Variants in ARID1B observed in about 807,000 individuals in gnomAD.
ARID1B encodes AT-rich interaction domain 1B, also known as AT-rich interactive domain-containing protein 1B.
A neutral mutation model predicts 212.3 loss-of-function variants in ARID1B; 30 were observed. The observed-to-expected ratio is 0.14, with a 90% CI of 0.11 to 0.19. ARID1B has a LOEUF of 0.19. ARID1B is among the 10% of genes least tolerant of loss of function. The probability of loss-of-function intolerance (pLI) is 1.00; values close to 1 mark genes in which losing one functional copy is unlikely to be tolerated. For missense variants in ARID1B, 2,891 were observed against 3,204.0 expected, an observed-to-expected ratio of 0.90 and a Z score of 2.36; for synonymous variants, 1,402 against 1,301.7, an observed-to-expected ratio of 1.08 and a Z score of -1.66.
chr6:157,169,163 T>G (rs950272411), intron 9 of ARID1B: 3 of 152,218 alleles, frequency 2.0e-5, no homozygotes, highest in African/African-American at 7.2e-5. Context: ...TCCAGTCTCC[T>G]TGGTTTGGGC....
intron 4 of ARID1B, chr6:157,036,849 C>T (rs1278101474): frequency 6.0e-6 from 3 of 501,764 alleles, no homozygotes; most frequent in African/African-American, 3.9e-5. Flanking sequence ...AAGTCTTGGC[C>T]TCGGAGGATG....
chr6:156,966,550 C>T lies in ARID1B; in HGVS notation c.2247+30974C>T, dbSNP rs111373134. Among the ~76,000 whole-genome samples the T allele has an allele frequency of 3.4e-3, 520 of 151,486 alleles. 1 individual carries two copies. The highest frequency in any genetic ancestry group is 0.012 in the African/African-American group (485 of 41,262). ...GTGGTATTACAGGCACCTGCTACCA[C>T]GTCCGGCTAATTTTCTGTATTTTTA... On this transcript the variant is annotated intron_variant, in intron 4 of 19. Coordinates refer to ENST00000636930, the MANE Select transcript of ARID1B (RefSeq NM_001374828.1).
At chr6:157,158,025 TA>T (rs1790683183) in intron 8 of ARID1B, among the ~76,000 whole-genome samples, 2 of 152,186 alleles carry the variant, frequency 1.3e-5, no homozygotes, top group Admixed American at 1.3e-4. Flanking sequence ...CCCTGTCTCT[TA>T]AAAAATAATA....
At chr6:156,931,836 C>T (rs993594063) in intron 3 of ARID1B, among the ~76,000 whole-genome samples, 4 of 151,750 alleles carry the variant, frequency 2.6e-5, no homozygotes, top group African/African-American at 9.7e-5. Flanking sequence ...GTGGCGCATG[C>T]CTGTAATCCC....
chr6:156,872,271 T>A (rs573348587), intron 2 of ARID1B, among the ~76,000 whole-genome samples: 1 of 152,186 alleles, frequency 6.6e-6, no homozygotes, highest in Non-Finnish European at 1.5e-5. Flanking sequence ...ATCTCCTTCC[T>A]CCATTTCATC....
rs1169315497 is a variant in ARID1B at position 156,793,835 on chromosome 6, C to CAATAGT, written c.1791+14375_1791+14380dup. Among the ~76,000 whole-genome samples, 3 of 152,236 alleles carry CAATAGT rather than the reference C, an allele frequency of 2.0e-5. No homozygotes were observed. In the South Asian group the frequency reaches 6.2e-4, roughly 32 times the overall value. ...TAAATAACAGTGCTATAATAAAAAGCAATAGTAATAGTAATAATGACTACC... is the reference window on the plus strand; with the variant it reads ...TAAATAACAGTGCTATAATAAAAAGCAATAGTAATAGTAATAGTAATAATGACTACC... On this transcript the variant is annotated intron_variant, in intron 1 of 19. Coordinates refer to ENST00000636930, the MANE Select transcript of ARID1B (RefSeq NM_001374828.1).
At chr6:157,093,080 C>G (rs2128479102) in intron 5 of ARID1B, among the ~76,000 whole-genome samples, 1 of 152,218 alleles carries the variant, frequency 6.6e-6, no homozygotes, top group Non-Finnish European at 1.5e-5. Flanking sequence ...GCTGCCTTCT[C>G]CCTTCGCTGA....
chr6:157,051,063 G>A (rs537802990), intron 4 of ARID1B, among the ~76,000 whole-genome samples: 28 of 152,224 alleles, frequency 1.8e-4, no homozygotes, highest in Non-Finnish European at 4.0e-4. Flanking sequence ...CAGGGCTGGT[G>A]ATTAGAGTGG....
chr6:156,904,702 C>T (rs182929245), intron 3 of ARID1B, among the ~76,000 whole-genome samples: 107 of 152,292 alleles, frequency 7.0e-4, no homozygotes, highest in African/African-American at 2.3e-3. Flanking sequence ...ATGAAATGCT[C>T]CAAAATCTGA....
At position 156,784,603 on chromosome 6, in the gene ARID1B, A is replaced by G. The variant is rs115198926; in HGVS notation, c.1791+5132A>G. ...GACATCTGAATGAATGGAATGATAG[A>G]CATATACTATATAGTTTTAATTAGC... On this transcript the variant is annotated intron_variant, in intron 1 of 19. Coordinates refer to ENST00000636930, the MANE Select transcript of ARID1B (RefSeq NM_001374828.1). 2.4e-3 allele frequency among the ~76,000 whole-genome samples: 365 copies of G among 152,334 alleles called. 2 individuals carry two copies. Among genetic ancestry groups the G allele is most frequent in the African/African-American group, 7.9e-3 (329 of 41,574 alleles).
chr6:157,191,385 C>T (rs1793362720), intron 15 of ARID1B, among the ~76,000 whole-genome samples: 1 of 151,938 alleles, frequency 6.6e-6, no homozygotes, highest in Non-Finnish European at 1.5e-5. Context: ...AGAGGGGAAC[C>T]TGGAGTCCCT....
intron 1 of ARID1B, among the ~76,000 whole-genome samples, chr6:156,816,284 ATTAC>A (rs1169908992): frequency 2.0e-5 from 3 of 152,216 alleles, no homozygotes; most frequent in Admixed American, 1.3e-4. Flanking sequence ...TCATAATTTT[ATTAC>A]TTATACTTGA....
chr6:157,203,154 C>T lies in ARID1B; in HGVS notation c.5264-712C>T, dbSNP rs1339739190. ...GAATGCCCCCAGCCTCCAGGCAGCT[C>T]CAGGGATCTGGCCGAGCTGGGTCTC... On this transcript the variant is annotated intron_variant, in intron 18 of 19. Coordinates refer to ENST00000636930, the MANE Select transcript of ARID1B (RefSeq NM_001374828.1). This position sits in a 1 kb window ranked among gnomAD's most constrained non-coding sequence, Gnocchi z 4.4. 6.6e-6 allele frequency among the ~76,000 whole-genome samples: 1 copy of T among 152,184 alleles called. No individual in the cohort carries two copies. Among genetic ancestry groups the T allele is most frequent in the African/African-American group, 2.4e-5 (1 of 41,434 alleles).
intron 1 of ARID1B, among the ~76,000 whole-genome samples, chr6:156,806,908 T>C (rs1180116463): frequency 6.6e-6 from 1 of 152,238 alleles, no homozygotes; most frequent in Non-Finnish European, 1.5e-5. Context: ...GGGAGGAGGC[T>C]GCGTGCCAGA....
chr6:157,078,950 A>G (rs1190218888), intron 4 of ARID1B, among the ~76,000 whole-genome samples: 1 of 152,214 alleles, frequency 6.6e-6, no homozygotes, highest in African/African-American at 2.4e-5. Flanking sequence ...ATTTTGGCTC[A>G]TTAGTTTTTC....
intron 3 of ARID1B, among the ~76,000 whole-genome samples, chr6:156,932,654 A>T (rs899082714): frequency 2.6e-5 from 4 of 152,212 alleles, no homozygotes; most frequent in African/African-American, 9.7e-5. Context: ...GTACCAAAAA[A>T]TAAATATAGC....
intron 11 of ARID1B, 31 bp from the exon 12 acceptor site, chr6:157,180,938 C>T: frequency 5.0e-6 from 8 of 1,594,786 alleles, no homozygotes; most frequent in Non-Finnish European, 6.9e-6. Context: ...CCACCCATGC[C>T]CCACCTCCAC....
chr6:156,932,607 AC>A (rs1791839676), intron 3 of ARID1B, among the ~76,000 whole-genome samples: 1 of 152,198 alleles, frequency 6.6e-6, no homozygotes, highest in South Asian at 2.1e-4. Flanking sequence ...TTGCCTTTTT[AC>A]TGTGTATTTG....
chr6:157,126,146 A>G (rs1383002777), intron 6 of ARID1B, among the ~76,000 whole-genome samples: 2 of 152,214 alleles, frequency 1.3e-5, no homozygotes, highest in East Asian at 3.9e-4. Flanking sequence ...AAGGGCTCAC[A>G]GAATCACTAT....
Sources: allele counts gnomAD v4.1 joint callset (sites outside exome capture counted in the v4.1 genomes callset), GRCh38; gene constraint gnomAD v4.1.1; non-coding constraint Gnocchi (gnomAD v3.1); transcripts MANE v1.5; gene names NCBI Gene and HGNC (gene_info 2026-07-23, HGNC 2026-07-21).